ASAP1: variants seen among roughly 807,000 people sequenced by gnomAD.
ASAP1 encodes arf-GAP with SH3 domain, ANK repeat and PH domain-containing protein 1.
A neutral mutation model predicts 145.2 loss-of-function variants in ASAP1; 43 were observed. The observed-to-expected ratio is 0.30, with a 90% confidence interval of 0.23 to 0.38. The LOEUF (loss-of-function observed/expected upper bound fraction) is 0.38, where lower values mean the gene tolerates loss of function less well. Among genes scored for constraint, ASAP1 ranks in the 10% least tolerant of loss-of-function variants. The pLI is 1.00. For synonymous variants in ASAP1, 546 were observed against 515.5 expected, an observed-to-expected ratio of 1.06 and a Z score of -0.80; for missense variants, 1,018 against 1,355.3, an observed-to-expected ratio of 0.75 and a Z score of 3.91.
chr8:130,072,835 G>GT (rs2097452398), intron 27 of ASAP1, among the ~76,000 whole-genome samples: 1 of 132,920 alleles, frequency 7.5e-6, no homozygotes, highest in Non-Finnish European at 1.8e-5. Flanking sequence ...GCGCGCGGGG[G>GT]GGGGCAGTTT....
At chr8:130,167,412 T>C (rs766311232) in intron 11 of ASAP1, 124 bp downstream of exon 11, 15 of 834,236 alleles carry the variant, frequency 1.8e-5, no homozygotes, top group Non-Finnish European at 3.2e-5. Context: ...ATGGGGCTTA[T>C]GGTAGGTACA....
At chr8:130,380,774 G>A (rs937880835) in intron 2 of ASAP1, among the ~76,000 whole-genome samples, 17 of 152,178 alleles carry the variant, frequency 1.1e-4, no homozygotes, top group Admixed American at 3.9e-4. Flanking sequence ...CATGCAGGCT[G>A]ACGTGCAGTC....
intron 27 of ASAP1, among the ~76,000 whole-genome samples, chr8:130,072,824 T>TGTGTGTGTGTGTGTGTGTGTGTGCGC: frequency 1.5e-4 from 5 of 32,312 alleles, no homozygotes; most frequent in Admixed American, 3.6e-4. Flanking sequence ...TGTGTGTGTG[T>TGTGTGTGTGTGTGTGTGTGTGTGCGC]GCGCGCGGGG....
intron 1 of ASAP1, among the ~76,000 whole-genome samples, chr8:130,435,534 T>TA (rs1185515607): frequency 6.6e-6 from 1 of 152,328 alleles, no homozygotes; most frequent in East Asian, 1.9e-4. Context: ...AATGTTCTGT[T>TA]ACAGATTTCA....
chr8:130,380,494 CA>C (rs1335530319), intron 2 of ASAP1, among the ~76,000 whole-genome samples: 1 of 152,138 alleles, frequency 6.6e-6, no homozygotes, highest in African/African-American at 2.4e-5. Flanking sequence ...CAAGGGGACC[CA>C]GGGGGAGCAC....
At chr8:130,061,360 C>G (rs547148982) in intron 27 of ASAP1, among the ~76,000 whole-genome samples, 3 of 152,266 alleles carry the variant, frequency 2.0e-5, no homozygotes, top group African/African-American at 7.2e-5. Flanking sequence ...TCGGAAAGTA[C>G]AGAGTTCTTA....
chr8:130,066,305 C>T (rs775247458), intron 27 of ASAP1, among the ~76,000 whole-genome samples: 2 of 152,182 alleles, frequency 1.3e-5, no homozygotes, highest in Non-Finnish European at 2.9e-5. Context: ...GCTTGTACTG[C>T]TGGTTTCCAC....
At chr8:130,412,164 C>T (rs1829295614) in intron 1 of ASAP1, among the ~76,000 whole-genome samples, 2 of 152,158 alleles carry the variant, frequency 1.3e-5, no homozygotes, top group Admixed American at 1.3e-4. Flanking sequence ...GGATAAATAA[C>T]AATTTTAATA....
intron 2 of ASAP1, among the ~76,000 whole-genome samples, chr8:130,368,009 T>A (rs1231843222): frequency 3.3e-5 from 5 of 152,166 alleles, no homozygotes; most frequent in Admixed American, 3.3e-4. Flanking sequence ...TTAGTTAACG[T>A]CCTTTTTCAA....
At chr8:130,176,872 TA>T (rs1813992324) in intron 9 of ASAP1, among the ~76,000 whole-genome samples, 2 of 152,142 alleles carry the variant, frequency 1.3e-5, no homozygotes, top group African/African-American at 4.8e-5. Flanking sequence ...GTACTTTTAG[TA>T]GAAACGGGGT....
rs566234900 is a variant in ASAP1, at chr8:130,212,711, T to C, written c.405+1845A>G. Among the ~76,000 whole-genome samples, 9 of 152,316 alleles carry C rather than the reference T, an allele frequency of 5.9e-5. No homozygotes were observed. In the East Asian group the frequency reaches 1.5e-3, roughly 26 times the overall value. On this transcript the variant is annotated intron_variant, in intron 5 of 29. Coordinates refer to ENST00000518721, the MANE Select transcript of ASAP1 (RefSeq NM_018482.4). ...TCAATAAATCTCAGATGGTTTTGTA[T>C]GGAGACAAACAAATGTATTAGGTGA...
At chr8:130,184,098 C>G (rs1814552725) in intron 7 of ASAP1, among the ~76,000 whole-genome samples, 1 of 152,002 alleles carries the variant, frequency 6.6e-6, no homozygotes. Flanking sequence ...GAAATGAGGC[C>G]ATTATGTCAT....
chr8:130,068,710 A>T, intron 27 of ASAP1, among the ~76,000 whole-genome samples: 1 of 152,182 alleles, frequency 6.6e-6, no homozygotes, highest in South Asian at 2.1e-4. Flanking sequence ...AGGTCTGTTC[A>T]CCCTGAGAAG....
chr8:130,264,937 CATCTT>C (rs1331742912), intron 3 of ASAP1, among the ~76,000 whole-genome samples: 1 of 151,966 alleles, frequency 6.6e-6, no homozygotes, highest in Non-Finnish European at 1.5e-5. Flanking sequence ...AAAAGAAAAA[CATCTT>C]AAGAAAGAGG....
intron 13 of ASAP1, among the ~76,000 whole-genome samples, chr8:130,141,468 C>A (rs149042495): frequency 1.2e-3 from 188 of 152,262 alleles, no homozygotes; most frequent in African/African-American, 4.5e-3. Flanking sequence ...GACCACCTCC[C>A]CATGATGTTC....
At chr8:130,078,408 C>T (rs1243893116) in intron 26 of ASAP1, among the ~76,000 whole-genome samples, 2 of 152,056 alleles carry the variant, frequency 1.3e-5, no homozygotes, top group Non-Finnish European at 2.9e-5. Flanking sequence ...GGTCCTCTTG[C>T]CTCAGCCTCC....
At position 130,112,244 on chromosome 8, in the gene ASAP1, G is replaced by C; in HGVS notation, c.2251C>G (p.Leu751Val). Residue 751 changes from leucine (L) to valine (V), a missense_variant, in exon 24 of 30, where the codon CTG (leucine) becomes GTG (valine). Physicochemically the swap from Leu to Val is conservative, Grantham distance 32. Transcript: ENST00000518721. ...HSSSISPQDK[L>V]ALPGFSTPRD... ...GGAGTGCTGAATCCTGGCAGTGCCA[G>C]CTTGTCCTGGGGGGAGATGCTGGAG... 1 of 1,614,248 alleles carries C rather than the reference G, an allele frequency of 6.2e-7. No homozygotes were observed. Among genetic ancestry groups the C allele is most frequent in the Non-Finnish European group, 8.5e-7 (1 of 1,180,052 alleles).
intron 3 of ASAP1, among the ~76,000 whole-genome samples, chr8:130,316,138 T>A (rs1390021290): frequency 6.6e-6 from 1 of 152,228 alleles, no homozygotes; most frequent in Non-Finnish European, 1.5e-5. Flanking sequence ...TCTGTTCCCA[T>A]CCACAAGTTC....
chr8:130,233,211 C>A, intron 4 of ASAP1, among the ~76,000 whole-genome samples: 1 of 152,112 alleles, frequency 6.6e-6, no homozygotes, highest in East Asian at 1.9e-4. Flanking sequence ...AAAGTCATCC[C>A]ACAGGTTACA....
Sources: allele counts gnomAD v4.1 joint callset (sites outside exome capture counted in the v4.1 genomes callset), GRCh38; gene constraint gnomAD v4.1.1; transcripts MANE v1.5; gene names NCBI Gene and HGNC (gene_info 2026-07-23, HGNC 2026-07-21).